SLF2: variants seen among roughly 807,000 people sequenced by gnomAD.
SLF2 encodes the protein SMC5-SMC6 complex localization factor protein 2.
Under a neutral mutation model 124.3 loss-of-function variants are expected in SLF2, and 68 were observed. The ratio of observed to expected loss-of-function variants is 0.55; its 90% CI spans 0.45 to 0.67. The LOEUF (loss-of-function observed/expected upper bound fraction) is 0.67. Ranked by LOEUF, SLF2 falls within the 30% of genes least tolerant of loss-of-function variation. SLF2 has a pLI of 0.00. For missense variants in SLF2, 1,246 were observed against 1,373.7 expected, an observed-to-expected ratio of 0.91 and a Z score of 1.47; for synonymous variants, 480 against 478.8, an observed-to-expected ratio of 1.00 and a Z score of -0.03.
In SLF2 at chr10:100,913,165, G is replaced by A. The variant is rs1334674916; in HGVS notation, c.55G>A (p.Gly19Arg). 2 of 1,613,596 alleles carry A rather than the reference G, an allele frequency of 1.2e-6. No homozygotes were observed. The highest frequency in any genetic ancestry group is 2.2e-5 in the South Asian group (2 of 91,022). Residue 19 changes from glycine to arginine, a missense_variant, in exon 1 of 20, where the codon GGG (glycine) becomes AGG (arginine). By Grantham distance (125) the Gly-to-Arg change is moderately radical (BLOSUM62 -2). This residue lies in a region of SLF2 where 698 missense variants were observed against 708.9 expected (regional missense o/e 0.98). Coordinates refer to ENST00000238961, the MANE Select transcript of SLF2 (RefSeq NM_018121.4). ...AGGTTTCCCCTCATCCCCAGCCCCG[G>A]GGTCGTCGCCCCCGCGCTGCCATCT... is the stretch of plus-strand genomic sequence containing the variant. Reference protein sequence around the residue: ...RPGFPSSPAPGSSPPRCHLRP... With the variant: ...RPGFPSSPAPRSSPPRCHLRP...
intron 4 of SLF2, among the ~76,000 whole-genome samples, chr10:100,920,708 G>A (rs189083711): frequency 1.1e-3 from 173 of 152,294 alleles, no homozygotes; most frequent in African/African-American, 3.9e-3. Flanking sequence ...CCAGCACTTT[G>A]GGAGGCCAAG....
chr10:100,915,274 TA>T (rs1849393276), intron 1 of SLF2, among the ~76,000 whole-genome samples: 2 of 152,352 alleles, frequency 1.3e-5, no homozygotes, highest in South Asian at 4.1e-4. Flanking sequence ...GATTCTTTGA[TA>T]AAAAATTAAG....
At chr10:100,926,478 C>T in intron 6 of SLF2, 1 of 459,162 alleles carries the variant, frequency 2.2e-6, no homozygotes, top group Non-Finnish European at 3.7e-6. Flanking sequence ...GTGCCACATA[C>T]CTATGGTCCC....
At chr10:100,928,916 G>A (rs1849671617) in intron 6 of SLF2, among the ~76,000 whole-genome samples, 1 of 152,130 alleles carries the variant, frequency 6.6e-6, no homozygotes, top group South Asian at 2.1e-4. Context: ...AGGTTGTTGG[G>A]CATCTAGAAC....
At chr10:100,939,083 A>T (rs891645404) in intron 11 of SLF2, among the ~76,000 whole-genome samples, 31 of 152,368 alleles carry the variant, frequency 2.0e-4, no homozygotes, top group Non-Finnish European at 4.0e-4. Context: ...TTATTTGTAG[A>T]TGTGAGTTAA....
Position 100,916,738 on chromosome 10 carries a change from G to T in SLF2, c.353G>T (p.Gly118Val), listed in dbSNP as rs557575122. Residue 118 changes from glycine (G) to valine (V), a missense_variant, in exon 3 of 20, where the codon GGT becomes GTT. By Grantham distance (109) the Gly-to-Val change is moderately radical. This residue lies in a region of SLF2 where 698 missense variants were observed against 708.9 expected (regional missense o/e 0.98). Coordinates refer to ENST00000238961, the MANE Select transcript of SLF2 (RefSeq NM_018121.4). ...CCTATTATAGAAGCTTTCATGAAAG[G>T]TGTTAAAGAGCACCATGAAGATCAT... ...KSPIIEAFMK[G>V]VKEHHEDHGI... is the part of the protein sequence containing the mutation. 41 of 1,592,344 alleles carry T rather than the reference G, an allele frequency of 2.6e-5. 1 individual carries two copies. The South Asian group carries it at 4.4e-4, about 17-fold the overall frequency.
Position 100,924,630 on chromosome 10 carries a change from A to T in SLF2, c.1629A>T (p.Gly543=), listed in dbSNP as rs1316169943. 1.2e-6 allele frequency: 2 copies of T among 1,613,964 alleles called. No individual in the cohort carries two copies. The highest frequency in any genetic ancestry group is 2.2e-5 in the South Asian group (2 of 91,074). Residue 543 remains glycine, a synonymous_variant, in exon 5 of 20, where the codon GGA becomes GGT. Coordinates refer to ENST00000238961, the MANE Select transcript of SLF2 (RefSeq NM_018121.4). ...TATCTTCAGGGAAAATTTCTGGGGG[A>T]CCTTTGCGCTCAGAATATGGCACTC... ...SNVSSGKISG[G]PLRSEYGTPT...
intron 11 of SLF2, among the ~76,000 whole-genome samples, chr10:100,940,906 G>T (rs1236620421): frequency 2.0e-5 from 3 of 149,486 alleles, no homozygotes; most frequent in African/African-American, 7.4e-5. Flanking sequence ...CACGGTTATG[G>T]GTCACTGCAG....
At chr10:100,928,041 C>CA (rs571731801) in intron 6 of SLF2, among the ~76,000 whole-genome samples, 1,282 of 44,980 alleles carry the variant, frequency 0.029, 20 homozygotes, top group Non-Finnish European at 0.049. Context: ...ACCCCCCCCC[C>CA]CCCCCACACA....
chr10:100,921,297 G>A (rs1471816991), intron 4 of SLF2, among the ~76,000 whole-genome samples: 5 of 152,156 alleles, frequency 3.3e-5, no homozygotes, highest in Admixed American at 2.0e-4. Flanking sequence ...CTCACTTGCA[G>A]CACTGAACTC....
At chr10:100,961,459 T>A (rs1313397619) in intron 19 of SLF2, among the ~76,000 whole-genome samples, 1 of 152,214 alleles carries the variant, frequency 6.6e-6, no homozygotes, top group African/African-American at 2.4e-5. Context: ...GCAATCTCTC[T>A]ATTTTAAGTC....
At chr10:100,917,333 A>G in intron 3 of SLF2, 33 bp downstream of exon 3, 1 of 1,561,770 alleles carries the variant, frequency 6.4e-7, no homozygotes, top group Non-Finnish European at 8.6e-7. Context: ...TAGCATTGCT[A>G]CTGCTATGTC....
Position 100,961,868 on chromosome 10 carries a change from CT to C in SLF2, c.3487-3del. 6.2e-7 allele frequency: 1 copy of C among 1,604,144 alleles called. No homozygotes were observed. Among genetic ancestry groups the C allele is most frequent in the Non-Finnish European group, 8.5e-7 (1 of 1,173,480 alleles). ...GCTTTACCCTCTTTTTTCTCCTTCC[CT>C]TTTTTAGGGGCAGCTTCATGACTTC... On this transcript the variant is annotated splice_region_variant and splice_polypyrimidine_tract_variant and intron_variant, in intron 19 of 19. Transcript: ENST00000238961.
chr10:100,955,009 G>A lies in SLF2; in HGVS notation c.3331-1442G>A, dbSNP rs1040311687. ...GGCTGGAGTGCAGTGGCACAGTCTC[G>A]GCTCACTGAAAGCTCTGCCTCCCGG... On this transcript the variant is annotated intron_variant, in intron 17 of 19. Transcript: ENST00000238961. Among the ~76,000 whole-genome samples the A allele has an allele frequency of 3.4e-5, 5 of 148,910 alleles. No individual in the cohort carries two copies. In the East Asian group the frequency reaches 6.0e-4, roughly 18 times the overall value.
intron 4 of SLF2, among the ~76,000 whole-genome samples, chr10:100,921,042 TC>T (rs747402413): frequency 6.6e-6 from 1 of 152,230 alleles, no homozygotes; most frequent in Non-Finnish European, 1.5e-5. Flanking sequence ...ATGTACATAA[TC>T]ACGCAATCAT....
intron 17 of SLF2, among the ~76,000 whole-genome samples, chr10:100,951,788 T>C (rs1452149045): frequency 6.6e-6 from 1 of 152,234 alleles, no homozygotes; most frequent in Non-Finnish European, 1.5e-5. Context: ...AGAAATAACA[T>C]TTGCCTTCAA....
chr10:100,925,168 A>G (rs781735002), intron 5 of SLF2, among the ~76,000 whole-genome samples, 196 bp downstream of exon 5: 2 of 152,160 alleles, frequency 1.3e-5, no homozygotes, highest in East Asian at 1.9e-4. Context: ...GTGGTCTCCA[A>G]ACTCTTTTGA....
intron 4 of SLF2, among the ~76,000 whole-genome samples, chr10:100,922,952 T>A (rs1849547632): frequency 6.6e-6 from 1 of 151,798 alleles, no homozygotes; most frequent in South Asian, 2.1e-4. Flanking sequence ...ATTTTTGTAT[T>A]TTCAGTAGAG....
At position 100,924,442 on chromosome 10, in the gene SLF2, A is replaced by G. The variant is rs755533040; in HGVS notation, c.1441A>G (p.Ser481Gly). The G allele has an allele frequency of 3.7e-6, 6 of 1,614,178 alleles. No homozygotes were observed. In the Admixed American group the frequency reaches 8.3e-5, roughly 22 times the overall value. ...ACTACCTTTACTTTCCCGTGTTCCA[A>G]GTGCTGGTTCCTCTCTAGTACCATT... ...TKLPLLSRVPSAGSSLVPLNA... is the reference protein window; with the variant it reads ...TKLPLLSRVPGAGSSLVPLNA... The change falls in exon 5 of 20, where the codon AGT becomes GGT. Residue 481 changes from serine (S) to glycine (G), a missense_variant. Ser to Gly is a moderately conservative substitution (Grantham distance 56). This residue lies in a region of SLF2 where 698 missense variants were observed against 708.9 expected (regional missense o/e 0.98). Transcript: ENST00000238961.
Sources: gnomAD v4.1 joint callset for allele counts (sites outside exome capture counted in the v4.1 genomes callset) on GRCh38, gnomAD v4.1.1 for gene constraint, gnomAD v4.1.1 regional missense constraint, MANE v1.5 for transcripts, NCBI Gene and HGNC (gene_info 2026-07-23, HGNC 2026-07-21) for gene names.